Variants in AKAP7 observed in about 807,000 individuals in gnomAD.
AKAP7 encodes A-kinase anchoring protein 7, also known as A kinase (PRKA) anchor protein 7.
AKAP7 carries 39 observed loss-of-function variants against 39.5 expected under a neutral mutation model. The ratio of observed to expected loss-of-function variants is 0.99; its 90% CI spans 0.76 to 1.29. AKAP7 has a LOEUF of 1.29. Ranked by LOEUF, AKAP7 falls within the 50% of genes most tolerant of loss-of-function variation. AKAP7 has a pLI of 0.00. For missense variants in AKAP7, 414 were observed against 407.7 expected (o/e 1.02, Z -0.13); for synonymous variants, 140 against 139.1 (o/e 1.01, Z -0.05).
At chr6:131,130,958 T>A (rs78446395), upstream of AKAP7, among the ~76,000 whole-genome samples, 1,018 of 152,306 alleles carry the variant, frequency 6.7e-3, 9 homozygotes, top group African/African-American at 0.023. Context: ...AAAAAATTTT[T>A]AAAAAAGAAA....
In AKAP7 at chr6:131,282,504, C is replaced by G. The variant is rs1412434736; in HGVS notation, c.*778C>G. On this transcript the variant is annotated 3_prime_UTR_variant, in exon 8 of 8. Coordinates refer to ENST00000431975, the MANE Select transcript of AKAP7 (RefSeq NM_016377.4). ...CAGATAAAGGAACTTTTATTAAAGCCTGAGACTCAGGCCAGAATTAGGAGG... is the reference window on the plus strand; with the variant it reads ...CAGATAAAGGAACTTTTATTAAAGCGTGAGACTCAGGCCAGAATTAGGAGG... The G allele has an allele frequency of 2.0e-6, 3 of 1,535,748 alleles. No homozygotes were observed. In the African/African-American group the frequency reaches 4.1e-5, roughly 21 times the overall value.
intron 7 of AKAP7, chr6:131,250,215 T>G (rs768576194): frequency 1.7e-5 from 17 of 1,015,140 alleles, no homozygotes; most frequent in Non-Finnish European, 1.9e-5. Flanking sequence ...TCGACTACCT[T>G]TCTTAAAGAC....
chr6:131,267,097 G>C (rs1449169838), intron 7 of AKAP7, among the ~76,000 whole-genome samples: 1 of 152,114 alleles, frequency 6.6e-6, no homozygotes, highest in Non-Finnish European at 1.5e-5. Context: ...AGTCAGCTGA[G>C]TTAAAGATTG....
chr6:131,268,660 C>T (rs756549016), intron 7 of AKAP7, among the ~76,000 whole-genome samples: 11 of 152,148 alleles, frequency 7.2e-5, no homozygotes, highest in Non-Finnish European at 1.2e-4. Flanking sequence ...CATCGGTGAA[C>T]ATTGCCTTCA....
chr6:131,169,014 T>C (rs935869397), intron 4 of AKAP7, 99 bp from the exon 5 acceptor site: 16 of 1,080,714 alleles, frequency 1.5e-5, no homozygotes, highest in Middle Eastern at 2.3e-4. Flanking sequence ...AGTACAAATA[T>C]CAAAATTCAT....
intron 6 of AKAP7, among the ~76,000 whole-genome samples, chr6:131,207,053 A>G (rs554481732): frequency 5.3e-5 from 8 of 152,308 alleles, no homozygotes; most frequent in Non-Finnish European, 1.2e-4. Flanking sequence ...GACTTATCGT[A>G]AAAGAAGGAC....
At chr6:131,215,271 G>A (rs1386572215) in intron 6 of AKAP7, among the ~76,000 whole-genome samples, 1 of 152,222 alleles carries the variant, frequency 6.6e-6, no homozygotes, top group African/African-American at 2.4e-5. Flanking sequence ...TTCGACCAGG[G>A]GACCAAAGCA....
intron 1 of AKAP7, among the ~76,000 whole-genome samples, chr6:131,144,062 G>A (rs1003676595): frequency 3.6e-5 from 5 of 137,366 alleles, no homozygotes; most frequent in African/African-American, 1.4e-4. Flanking sequence ...ATGTTTCAGA[G>A]AGCACAGGGT....
chr6:131,282,117 TCA>T lies in AKAP7; in HGVS notation c.*398_*399del. On this transcript the variant is annotated 3_prime_UTR_variant, in exon 8 of 8. Transcript: ENST00000431975. Reference sequence around the variant, plus strand: ...ACTACTTTATCTGAGGCCAGAACTCTCACACACAGCTATCAAGTGCTAAGTTT... The same window carrying T: ...ACTACTTTATCTGAGGCCAGAACTCTCACACAGCTATCAAGTGCTAAGTTT... 8.6e-7 allele frequency: 1 copy of T among 1,165,414 alleles called. No individual in the cohort carries two copies. The allele number at this position is 1,165,414 out of a possible 1,614,324, so 72.2% of individuals were successfully genotyped here. A position where few individuals can be genotyped will look rare whatever the true frequency, so the allele number is the denominator to read the frequency against.
At chr6:131,235,266 C>G (rs1275788806) in intron 7 of AKAP7, among the ~76,000 whole-genome samples, 1 of 152,190 alleles carries the variant, frequency 6.6e-6, no homozygotes, top group African/African-American at 2.4e-5. Flanking sequence ...CATAGTATTC[C>G]ATGGTGTATA....
Position 131,278,836 on chromosome 6 carries a change from TC to T in AKAP7, c.851-2692del, listed in dbSNP as rs1282120693. On this transcript the variant is annotated intron_variant, in intron 7 of 7. Transcript: ENST00000431975. Reference sequence around the variant, plus strand: ...CAGGAGATTTGGGTGGGGACACAAATCCACACTACATTAGCTAATCAGGAAA... The same window carrying T: ...CAGGAGATTTGGGTGGGGACACAAATCACACTACATTAGCTAATCAGGAAA... Among the ~76,000 whole-genome samples the T allele has an allele frequency of 2.0e-5, 3 of 152,234 alleles. No homozygotes were observed. In the East Asian group the frequency reaches 5.8e-4, roughly 29 times the overall value.
rs1800448117 is a variant in AKAP7, at chr6:131,135,506, C to T, written c.-258C>T. 6.7e-6 allele frequency among the ~76,000 whole-genome samples: 1 copy of T among 149,892 alleles called. No homozygotes were observed. Among genetic ancestry groups the T allele is most frequent in the East Asian group, 1.9e-4 (1 of 5,172 alleles). Reference sequence around the variant, plus strand: ...CGTCCGGCCTGGCATGCGGGTGCTGCGGCTGCTGCGGCTGCCGCCGCCGCT... The same window carrying T: ...CGTCCGGCCTGGCATGCGGGTGCTGTGGCTGCTGCGGCTGCCGCCGCCGCT... On this transcript the variant is annotated 5_prime_UTR_variant, in exon 1 of 8. Transcript: ENST00000431975.
intron 7 of AKAP7, among the ~76,000 whole-genome samples, chr6:131,269,909 A>G (rs1053409115): frequency 1.3e-5 from 2 of 152,178 alleles, no homozygotes; most frequent in Non-Finnish European, 2.9e-5. Context: ...GATTACAGAT[A>G]TTACAGTTGA....
At chr6:131,269,067 T>A (rs1249098477) in intron 7 of AKAP7, among the ~76,000 whole-genome samples, 6 of 152,204 alleles carry the variant, frequency 3.9e-5, no homozygotes, top group Non-Finnish European at 5.9e-5. Context: ...CATACTACTT[T>A]TTTTTTGGAA....
chr6:131,162,983 A>T (rs1803132264), intron 3 of AKAP7, among the ~76,000 whole-genome samples: 1 of 150,066 alleles, frequency 6.7e-6, no homozygotes, highest in South Asian at 2.3e-4. Context: ...AGGTGCGCAC[A>T]CATACACGCT....
intron 7 of AKAP7, among the ~76,000 whole-genome samples, chr6:131,222,603 G>C (rs1210012947): frequency 6.6e-6 from 1 of 152,134 alleles, no homozygotes; most frequent in Non-Finnish European, 1.5e-5. Context: ...TTGAATTGCT[G>C]TAATCTCATG....
At chr6:131,239,659 A>C (rs1416505025) in intron 7 of AKAP7, among the ~76,000 whole-genome samples, 1 of 151,898 alleles carries the variant, frequency 6.6e-6, no homozygotes, top group Non-Finnish European at 1.5e-5. Flanking sequence ...CATTCATTTG[A>C]TCTTCCATCA....
chr6:131,126,958 T>C, the AKAP7 span, among the ~76,000 whole-genome samples: 1 of 152,180 alleles, frequency 6.6e-6, no homozygotes, highest in Non-Finnish European at 1.5e-5. Context: ...GATTGACTGA[T>C]GAAAAGTATG....
chr6:131,249,216 A>G (rs2128318246), intron 7 of AKAP7, among the ~76,000 whole-genome samples: 1 of 152,334 alleles, frequency 6.6e-6, no homozygotes, highest in African/African-American at 2.4e-5. Flanking sequence ...TACCTGTGAC[A>G]TATAAAAACA....
Sources: gnomAD v4.1 joint callset for allele counts (sites outside exome capture counted in the v4.1 genomes callset) on GRCh38, gnomAD v4.1.1 for gene constraint, MANE v1.5 for transcripts, NCBI Gene and HGNC (gene_info 2026-07-23, HGNC 2026-07-21) for gene names.